BBX: variants seen among roughly 807,000 people sequenced by gnomAD.
BBX encodes the protein BBX high mobility group box domain containing, also known as HMG box transcription factor BBX.
In BBX, 30 loss-of-function variants were observed where a neutral mutation model predicts 100.2. The ratio of observed to expected loss-of-function variants is 0.30; its 90% confidence interval spans 0.22 to 0.41. The LOEUF is 0.41. Ranked by LOEUF, BBX falls within the 10% of genes least tolerant of loss-of-function variation. The probability of loss-of-function intolerance (pLI) is 1.00; values close to 1 mark genes in which losing one functional copy is unlikely to be tolerated. For synonymous variants in BBX, 376 were observed against 388.1 expected (o/e 0.97, Z 0.37); for missense variants, 1,023 against 1,129.8 (o/e 0.91, Z 1.35).
chr3:107,564,256 A>G (rs573637834), intron 2 of BBX, among the ~76,000 whole-genome samples: 3 of 152,154 alleles, frequency 2.0e-5, no homozygotes, highest in Non-Finnish European at 2.9e-5. Flanking sequence ...CTATTTTTGA[A>G]TGAGCTTTAC....
At chr3:107,691,131 C>A (rs2060145332) in intron 3 of BBX, among the ~76,000 whole-genome samples, 1 of 151,778 alleles carries the variant, frequency 6.6e-6, no homozygotes, top group Non-Finnish European at 1.5e-5. Flanking sequence ...GGTCTCAAAC[C>A]CCTAGGCTCA....
chr3:107,669,014 A>G (rs954258491), intron 3 of BBX, among the ~76,000 whole-genome samples: 2 of 152,128 alleles, frequency 1.3e-5, no homozygotes, highest in Non-Finnish European at 2.9e-5. Context: ...GTTAAGGATG[A>G]ACCGTGGACA....
At chr3:107,698,624 C>G (rs2060830739) in intron 3 of BBX, among the ~76,000 whole-genome samples, 1 of 149,678 alleles carries the variant, frequency 6.7e-6, no homozygotes, top group South Asian at 2.1e-4. Context: ...TGCACTCCAG[C>G]CTGGGTGACA....
chr3:107,676,112 T>C (rs918725222), intron 3 of BBX, among the ~76,000 whole-genome samples: 2 of 152,054 alleles, frequency 1.3e-5, no homozygotes, highest in Admixed American at 6.6e-5. Flanking sequence ...TCTAGAAAAT[T>C]AGAAGCTTTT....
chr3:107,635,021 T>G (rs1212183379), intron 2 of BBX, among the ~76,000 whole-genome samples: 2 of 152,174 alleles, frequency 1.3e-5, no homozygotes, highest in Non-Finnish European at 2.9e-5. Flanking sequence ...GAGACCTGGG[T>G]CAAGTAAGTT....
chr3:107,779,234 T>C (rs543590915), intron 13 of BBX, among the ~76,000 whole-genome samples: 1 of 151,776 alleles, frequency 6.6e-6, no homozygotes, highest in African/African-American at 2.4e-5. Context: ...TTCAGTGCTC[T>C]CATCACCTGA....
At chr3:107,597,610 G>A (rs749955814) in intron 2 of BBX, among the ~76,000 whole-genome samples, 29 of 152,222 alleles carry the variant, frequency 1.9e-4, no homozygotes, top group Non-Finnish European at 3.2e-4. Flanking sequence ...AAGAATGAGA[G>A]TACTTATATA....
chr3:107,790,028 C>G (rs1004788494), intron 14 of BBX, among the ~76,000 whole-genome samples, 152 bp downstream of exon 14: 1 of 152,124 alleles, frequency 6.6e-6, no homozygotes, highest in Non-Finnish European at 1.5e-5. Context: ...CTCATTCTTT[C>G]CGGACTCTGC....
At chr3:107,762,295 T>C (rs2065960346) in intron 10 of BBX, among the ~76,000 whole-genome samples, 1 of 152,118 alleles carries the variant, frequency 6.6e-6, no homozygotes, top group African/African-American at 2.4e-5. Context: ...AAATGGTGAG[T>C]AAAGAAAAAT....
At chr3:107,532,154 A>G (rs1452791364) in intron 2 of BBX, among the ~76,000 whole-genome samples, 1 of 151,964 alleles carries the variant, frequency 6.6e-6, no homozygotes, top group Admixed American at 6.6e-5. Flanking sequence ...TGATCGTGTC[A>G]CCGCACTCCA....
intron 5 of BBX, among the ~76,000 whole-genome samples, chr3:107,719,588 G>A (rs148033331): frequency 6.6e-6 from 1 of 152,046 alleles, no homozygotes; most frequent in Non-Finnish European, 1.5e-5. Context: ...GGAAAAAAAG[G>A]CTGATTGCAC....
chr3:107,680,188 G>C (rs958321252), intron 3 of BBX, among the ~76,000 whole-genome samples: 1 of 152,114 alleles, frequency 6.6e-6, no homozygotes, highest in East Asian at 1.9e-4. Flanking sequence ...GCCACATGGG[G>C]CTTTTTGGTT....
At chr3:107,714,866 A>G (rs1417104359) in intron 4 of BBX, among the ~76,000 whole-genome samples, 2 of 151,836 alleles carry the variant, frequency 1.3e-5, no homozygotes, top group East Asian at 3.9e-4. Context: ...GCTTACTGCA[A>G]CCTCCGCCTC....
chr3:107,672,749 G>C (rs1171099407), intron 3 of BBX, among the ~76,000 whole-genome samples: 1 of 151,902 alleles, frequency 6.6e-6, no homozygotes, highest in Non-Finnish European at 1.5e-5. Context: ...GCACAGCTGT[G>C]GGTGCTCACT....
chr3:107,660,505 T>TA (rs34604623), intron 3 of BBX, among the ~76,000 whole-genome samples: 80 of 101,280 alleles, frequency 7.9e-4, no homozygotes, highest in African/African-American at 1.5e-3. Flanking sequence ...CAAAAAGCAT[T>TA]AAAAAAAAAA....
In BBX at chr3:107,779,007, A is replaced by G. The variant is rs1387878677; in HGVS notation, c.2203+488A>G. On this transcript the variant is annotated intron_variant, in intron 13 of 17. Coordinates refer to ENST00000325805, the MANE Select transcript of BBX (RefSeq NM_001142568.3). The stretch of plus-strand genomic sequence containing the variant: ...ATCCTCCAGCAACATATATATATAT[A>G]TATATATATATATACACACACACAC... Among the ~76,000 whole-genome samples the G allele has an allele frequency of 1.4e-4, 10 of 71,044 alleles. 3 individuals are homozygous for G. The highest frequency in any genetic ancestry group is 4.3e-4 in the African/African-American group (10 of 22,998). 46.6% of individuals were successfully genotyped at this position (71,044 alleles called of 152,430 possible).
chr3:107,655,201 G>A (rs915791051), intron 3 of BBX, among the ~76,000 whole-genome samples: 6 of 152,070 alleles, frequency 3.9e-5, no homozygotes, highest in African/African-American at 1.4e-4. Context: ...AGTGATAGAA[G>A]TTTGATTTTA....
At chr3:107,748,640 T>C (rs1390991644) in intron 9 of BBX, among the ~76,000 whole-genome samples, 1 of 152,326 alleles carries the variant, frequency 6.6e-6, no homozygotes, top group East Asian at 1.9e-4. Context: ...AAATCTGATA[T>C]TCTTGATTTT....
chr3:107,557,871 G>T (rs1439580402), intron 2 of BBX, among the ~76,000 whole-genome samples: 1 of 152,188 alleles, frequency 6.6e-6, no homozygotes, highest in Non-Finnish European at 1.5e-5. Context: ...GACTCCTATG[G>T]TCAAGGAATG....
Sources: gnomAD v4.1 joint callset for allele counts (sites outside exome capture counted in the v4.1 genomes callset) on GRCh38, gnomAD v4.1.1 for gene constraint, MANE v1.5 for transcripts, NCBI Gene and HGNC (gene_info 2026-07-23, HGNC 2026-07-21) for gene names.